Variants in BMERB1 observed in about 807,000 individuals in gnomAD.
BMERB1 encodes bMERB domain-containing protein 1.
In BMERB1, 12 loss-of-function variants were observed where a neutral mutation model predicts 23.6. The observed-to-expected ratio is 0.51, with a 90% CI of 0.33 to 0.82. The LOEUF is 0.82. Ranked by LOEUF, BMERB1 falls within the 40% of genes least tolerant of loss-of-function variation. The pLI is 0.03. For synonymous variants in BMERB1, 122 were observed against 96.6 expected (o/e 1.26, Z -1.54); for missense variants, 247 against 255.4 (o/e 0.97, Z 0.22).
chr16:15,450,467 C>T lies in BMERB1; in HGVS notation c.106+15708C>T, dbSNP rs115174443. ...ATAATAGGCATGTAAAAGGTATTCA[C>T]ATCACAGCTGGCTTTTTTTTTGAAA... On this transcript the variant is annotated intron_variant, in intron 1 of 5. Transcript: ENST00000300006. 2.6e-3 allele frequency among the ~76,000 whole-genome samples: 395 copies of T among 152,148 alleles called. 2 individuals are homozygous for T. The highest frequency in any genetic ancestry group is 8.5e-3 in the African/African-American group (352 of 41,456).
At chr16:15,489,976 C>T (rs1197315367) in intron 1 of BMERB1, among the ~76,000 whole-genome samples, 3 of 152,102 alleles carry the variant, frequency 2.0e-5, no homozygotes, top group Admixed American at 6.6e-5. Flanking sequence ...ACGCCATTCT[C>T]CTGCCTCAGC....
chr16:15,554,377 G>A (rs1232292309), intron 2 of BMERB1, among the ~76,000 whole-genome samples: 1 of 152,136 alleles, frequency 6.6e-6, no homozygotes, highest in African/African-American at 2.4e-5. Context: ...GATGATTTGT[G>A]TAAAATGCTT....
intron 1 of BMERB1, among the ~76,000 whole-genome samples, chr16:15,437,773 A>G (rs1677673654): frequency 6.6e-6 from 1 of 152,080 alleles, no homozygotes; most frequent in Admixed American, 6.5e-5. Context: ...CCTGGCTAAC[A>G]CGGTGAAACC....
intron 1 of BMERB1, among the ~76,000 whole-genome samples, chr16:15,456,113 A>G (rs2051085536): frequency 6.6e-6 from 1 of 152,198 alleles, no homozygotes; most frequent in Non-Finnish European, 1.5e-5. Flanking sequence ...AAAAGTGTAG[A>G]AAGTAGAAAG....
At chr16:15,538,940 C>T (rs2052053273) in intron 2 of BMERB1, among the ~76,000 whole-genome samples, 4 of 152,272 alleles carry the variant, frequency 2.6e-5, no homozygotes, top group South Asian at 4.1e-4. Context: ...GCAGCGATCC[C>T]CAACCTCTTT....
chr16:15,566,368 A>G (rs1481922415), intron 2 of BMERB1, among the ~76,000 whole-genome samples: 1 of 152,204 alleles, frequency 6.6e-6, no homozygotes, highest in Non-Finnish European at 1.5e-5. Flanking sequence ...GGAAATTCCT[A>G]CTACAATGTA....
chr16:15,502,806 G>A (rs1262805044), intron 1 of BMERB1, among the ~76,000 whole-genome samples: 2 of 152,112 alleles, frequency 1.3e-5, no homozygotes, highest in African/African-American at 4.8e-5. Flanking sequence ...GGCAGGCATG[G>A]GTCTGTTGGA....
intron 1 of BMERB1, among the ~76,000 whole-genome samples, chr16:15,478,212 C>A (rs1258141591): frequency 1.3e-5 from 2 of 152,090 alleles, no homozygotes; most frequent in Admixed American, 1.3e-4. Flanking sequence ...GGCTGGAGTG[C>A]AGTGGCACAA....
chr16:15,508,083 C>A (rs1023229271), intron 1 of BMERB1, among the ~76,000 whole-genome samples: 1 of 152,150 alleles, frequency 6.6e-6, no homozygotes. Flanking sequence ...TGTTTTAAAT[C>A]TCACCTCCAT....
At chr16:15,497,558 C>T (rs769366788) in intron 1 of BMERB1, among the ~76,000 whole-genome samples, 32 of 152,218 alleles carry the variant, frequency 2.1e-4, no homozygotes, top group Non-Finnish European at 4.0e-4. Context: ...CTGATTTTCA[C>T]GTCCGTTGGG....
intron 1 of BMERB1, 77 bp downstream of exon 1, chr16:15,434,836 C>A: frequency 7.7e-7 from 1 of 1,302,256 alleles, no homozygotes; most frequent in Non-Finnish European, 1.0e-6. Context: ...CGCGGGAGCG[C>A]GAGGAACGCC....
At chr16:15,553,601 T>C (rs2030158932) in intron 2 of BMERB1, among the ~76,000 whole-genome samples, 2 of 152,258 alleles carry the variant, frequency 1.3e-5, no homozygotes, top group Non-Finnish European at 2.9e-5. Flanking sequence ...TAGCATGTTA[T>C]TCACAGATGC....
chr16:15,535,744 A>C (rs1047398753), intron 2 of BMERB1, among the ~76,000 whole-genome samples: 2 of 151,782 alleles, frequency 1.3e-5, no homozygotes, highest in African/African-American at 4.8e-5. Context: ...CCATTTTCAC[A>C]CTGGAAAAAA....
chr16:15,452,663 G>C (rs1387595179), intron 1 of BMERB1, among the ~76,000 whole-genome samples: 1 of 152,158 alleles, frequency 6.6e-6, no homozygotes, highest in African/African-American at 2.4e-5. Context: ...TGTGTCCTAA[G>C]GCCTCCTGCC....
At chr16:15,581,433 A>T in intron 4 of BMERB1, 102 bp downstream of exon 4, 9 of 909,298 alleles carry the variant, frequency 9.9e-6, no homozygotes, top group Non-Finnish European at 1.5e-5. Flanking sequence ...GCCTTGCCTA[A>T]CAGGCATGGC....
intron 1 of BMERB1, among the ~76,000 whole-genome samples, chr16:15,481,678 GAATT>G (rs930394969): frequency 1.3e-4 from 20 of 151,812 alleles, no homozygotes; most frequent in African/African-American, 4.6e-4. Flanking sequence ...TCTATAACAA[GAATT>G]AATTAACATA....
intron 2 of BMERB1, among the ~76,000 whole-genome samples, chr16:15,541,341 C>G (rs960921448): frequency 6.6e-6 from 1 of 151,370 alleles, no homozygotes; most frequent in Non-Finnish European, 1.5e-5. Flanking sequence ...TCTCACTGTT[C>G]AAGAGCTTTT....
chr16:15,567,913 A>C, intron 2 of BMERB1, 70 bp from the exon 3 acceptor site: 17 of 1,392,620 alleles, frequency 1.2e-5, no homozygotes, highest in Non-Finnish European at 1.6e-5. Context: ...TCTTTGTGTT[A>C]ACCGGGTGAT....
chr16:15,494,212 A>G (rs906961239), intron 1 of BMERB1, among the ~76,000 whole-genome samples: 2 of 152,182 alleles, frequency 1.3e-5, no homozygotes, highest in African/African-American at 4.8e-5. Context: ...TTAACCGGGC[A>G]ATTGTTGTTA....
Sources: gnomAD v4.1 joint callset for allele counts (sites outside exome capture counted in the v4.1 genomes callset) on GRCh38, gnomAD v4.1.1 for gene constraint, MANE v1.5 for transcripts, NCBI Gene and HGNC (gene_info 2026-07-23, HGNC 2026-07-21) for gene names.